PDE1C: variants seen among roughly 807,000 people sequenced by gnomAD.
PDE1C encodes dual specificity calcium/calmodulin-dependent 3',5'-cyclic nucleotide phosphodiesterase 1C.
In PDE1C, 62 loss-of-function variants were observed where a neutral mutation model predicts 93.1. The observed-to-expected ratio is 0.67, with a 90% CI of 0.54 to 0.82. The LOEUF is 0.82. PDE1C is among the 40% of genes least tolerant of loss of function. The probability of loss-of-function intolerance (pLI) is 0.00; values close to 1 mark genes in which losing one functional copy is unlikely to be tolerated. For missense variants in PDE1C, 742 were observed against 884.6 expected, an observed-to-expected ratio of 0.84 and a Z score of 2.04; for synonymous variants, 325 against 310.1, an observed-to-expected ratio of 1.05 and a Z score of -0.50.
chr7:32,158,967 G>GCCCTCTTCAA, intron 3 of PDE1C, among the ~76,000 whole-genome samples: 1 of 152,132 alleles, frequency 6.6e-6, no homozygotes, highest in African/African-American at 2.4e-5. Flanking sequence ...TCAACATAAG[G>GCCCTCTTCAA]CATGTGTTCC....
intron 1 of PDE1C, among the ~76,000 whole-genome samples, chr7:32,239,569 C>T (rs913204211): frequency 9.9e-5 from 15 of 152,138 alleles, no homozygotes; most frequent in Non-Finnish European, 2.2e-4. Context: ...AGGCAACTCA[C>T]AAAAGTGGAA....
intron 2 of PDE1C, among the ~76,000 whole-genome samples, chr7:31,995,264 G>C (rs530617953): frequency 6.6e-6 from 1 of 152,262 alleles, no homozygotes; most frequent in Admixed American, 6.5e-5. Flanking sequence ...AAGAGGAAGG[G>C]AGAGAGCCAC....
chr7:31,690,455 A>T, the PDE1C span, among the ~76,000 whole-genome samples: 1 of 152,238 alleles, frequency 6.6e-6, no homozygotes, highest in Non-Finnish European at 1.5e-5. Flanking sequence ...CAAAGATGTT[A>T]GCCTTTGCAA....
chr7:32,211,936 G>C (rs1017947898), intron 1 of PDE1C, among the ~76,000 whole-genome samples: 2 of 148,622 alleles, frequency 1.3e-5, no homozygotes, highest in African/African-American at 5.0e-5. Flanking sequence ...TGCAGCAGAA[G>C]GATCACTTGA....
At chr7:31,747,962 G>T (rs1377472848), downstream of PDE1C, among the ~76,000 whole-genome samples, 1 of 150,154 alleles carries the variant, frequency 6.7e-6, no homozygotes, top group Non-Finnish European at 1.5e-5. Flanking sequence ...CAGAGTTCAG[G>T]CTCCTCCCAT....
chr7:31,823,769 G>A (rs932726582), intron 13 of PDE1C, among the ~76,000 whole-genome samples: 25 of 152,090 alleles, frequency 1.6e-4, no homozygotes, highest in African/African-American at 4.6e-4. Flanking sequence ...ATGGAAATGC[G>A]GACAGCATGG....
At chr7:31,854,334 T>C (rs1018070700) in intron 7 of PDE1C, among the ~76,000 whole-genome samples, 1 of 152,186 alleles carries the variant, frequency 6.6e-6, no homozygotes, top group African/African-American at 2.4e-5. Flanking sequence ...CCAAATTAAC[T>C]ACTGTGAACC....
chr7:31,793,690 TA>T (rs35254369), intron 16 of PDE1C, among the ~76,000 whole-genome samples: 23 of 150,758 alleles, frequency 1.5e-4, no homozygotes, highest in Admixed American at 8.0e-4. Flanking sequence ...TTTTTTTTTT[TA>T]AATAAGAAGA....
At chr7:32,204,374 T>C (rs1805256531) in intron 2 of PDE1C, among the ~76,000 whole-genome samples, 1 of 152,204 alleles carries the variant, frequency 6.6e-6, no homozygotes, top group African/African-American at 2.4e-5. Flanking sequence ...TTGTCCACGA[T>C]TGCTCATCTT....
At chr7:32,021,319 A>C (rs903314257) in intron 2 of PDE1C, among the ~76,000 whole-genome samples, 3 of 152,104 alleles carry the variant, frequency 2.0e-5, no homozygotes, top group Non-Finnish European at 4.4e-5. Flanking sequence ...CAGGGCATTG[A>C]ACTTCTGACA....
intron 1 of PDE1C, among the ~76,000 whole-genome samples, chr7:32,064,626 T>G (rs1444151785): frequency 6.6e-6 from 1 of 152,182 alleles, no homozygotes; most frequent in Non-Finnish European, 1.5e-5. Flanking sequence ...TAACATCTTT[T>G]AACAATTTCT....
intron 3 of PDE1C, among the ~76,000 whole-genome samples, chr7:32,143,759 A>G (rs771615451): frequency 6.6e-6 from 1 of 152,148 alleles, no homozygotes; most frequent in Non-Finnish European, 1.5e-5. Context: ...TGCCAAATTT[A>G]GTTCAACAAA....
At chr7:31,626,112 C>T in the PDE1C span, among the ~76,000 whole-genome samples, 3 of 152,256 alleles carry the variant, frequency 2.0e-5, no homozygotes, top group African/African-American at 4.8e-5. Context: ...TTGGCAAAAA[C>T]ATGTTTTACC....
At chr7:31,641,935 G>A in the PDE1C span, among the ~76,000 whole-genome samples, 1 of 152,094 alleles carries the variant, frequency 6.6e-6, no homozygotes, top group Non-Finnish European at 1.5e-5. Context: ...AGAGACATTA[G>A]TTTCTCTTCC....
intron 3 of PDE1C, among the ~76,000 whole-genome samples, chr7:32,148,412 C>T (rs1801041520): frequency 6.6e-6 from 1 of 151,994 alleles, no homozygotes; most frequent in South Asian, 2.1e-4. Flanking sequence ...TTTACACTTA[C>T]AGTGTATCTC....
the PDE1C span, among the ~76,000 whole-genome samples, chr7:31,734,190 C>G: frequency 6.6e-6 from 1 of 152,040 alleles, no homozygotes; most frequent in Non-Finnish European, 1.5e-5. Flanking sequence ...TAACACACAG[C>G]CCCTGCCCTG....
At chr7:32,098,178 C>T (rs370947576) in intron 3 of PDE1C, among the ~76,000 whole-genome samples, 15 of 135,264 alleles carry the variant, frequency 1.1e-4, no homozygotes, top group East Asian at 6.2e-4. Flanking sequence ...TGCAGTGAGC[C>T]GAGATCGCGC....
intron 1 of PDE1C, among the ~76,000 whole-genome samples, chr7:32,293,881 T>C (rs1212949346): frequency 6.6e-6 from 1 of 152,178 alleles, no homozygotes; most frequent in Admixed American, 6.5e-5. Flanking sequence ...CCAGACTGCC[T>C]GCTTGTCTAA....
chr7:32,320,951 A>G (rs1217732429), intron 1 of PDE1C, among the ~76,000 whole-genome samples: 2 of 152,182 alleles, frequency 1.3e-5, no homozygotes, highest in African/African-American at 2.4e-5. Context: ...TAAAATGTGC[A>G]TCACAGACCT....
Sources: gnomAD v4.1 joint callset for allele counts (sites outside exome capture counted in the v4.1 genomes callset) on GRCh38, gnomAD v4.1.1 for gene constraint, MANE v1.5 for transcripts, NCBI Gene and HGNC (gene_info 2026-07-23, HGNC 2026-07-21) for gene names.